SPAM1: variants seen among roughly 807,000 people sequenced by gnomAD.
SPAM1 encodes sperm adhesion molecule 1.
Under a neutral mutation model 29.6 loss-of-function variants are expected in SPAM1, and 22 were observed. The observed-to-expected ratio is 0.74, with a 90% CI of 0.53 to 1.06. The LOEUF (loss-of-function observed/expected upper bound fraction) is 1.06, where lower values mean the gene tolerates loss of function less well. Ranked by LOEUF, SPAM1 falls within the 50% of genes least tolerant of loss-of-function variation. SPAM1 has a pLI of 0.00. For missense variants in SPAM1, 534 were observed against 604.0 expected, an observed-to-expected ratio of 0.88 and a Z score of 1.21; for synonymous variants, 194 against 204.6, an observed-to-expected ratio of 0.95 and a Z score of 0.44.
intron 1 of SPAM1, among the ~76,000 whole-genome samples, chr7:123,948,746 C>A (rs1808669394): frequency 6.6e-6 from 1 of 151,940 alleles, no homozygotes; most frequent in African/African-American, 2.4e-5. Flanking sequence ...AAATCTATAA[C>A]AATTTTAATG....
chr7:123,964,631 C>G (rs1792399408), downstream of SPAM1, among the ~76,000 whole-genome samples: 1 of 151,828 alleles, frequency 6.6e-6, no homozygotes, highest in Admixed American at 6.6e-5. Flanking sequence ...TTCAACTGAT[C>G]CTCCCACCTC....
chr7:123,928,159 C>G (rs2117013703), intron 1 of SPAM1, among the ~76,000 whole-genome samples: 1 of 152,178 alleles, frequency 6.6e-6, no homozygotes, highest in African/African-American at 2.4e-5. Flanking sequence ...ATTGTAGGTT[C>G]AATTCCTTAT....
chr7:123,953,736 C>T lies in SPAM1; in HGVS notation c.166C>T (p.Pro56Ser). 3.7e-6 allele frequency: 6 copies of T among 1,613,086 alleles called. No homozygotes were observed. The highest frequency in any genetic ancestry group is 5.1e-6 in the Non-Finnish European group (6 of 1,179,626). Residue 56 changes from proline to serine, a missense_variant, in exon 3 of 5, where the codon CCA becomes TCA. Coordinates refer to ENST00000682466, the MANE Select transcript of SPAM1 (RefSeq NM_153189.3). Reference protein sequence around the residue: ...NVPFLWAWNAPSEFCLGKFDE... With the variant: ...NVPFLWAWNASSEFCLGKFDE... ...GCCTTTCCTCTGGGCCTGGAATGCC[C>T]CAAGTGAATTTTGTCTTGGAAAATT...
intron 1 of SPAM1, among the ~76,000 whole-genome samples, chr7:123,938,242 A>G (rs1808318350): frequency 6.6e-6 from 1 of 152,184 alleles, no homozygotes; most frequent in South Asian, 2.1e-4. Flanking sequence ...AACTGGGACT[A>G]CAGACACATA....
chr7:123,967,082 T>C (rs906024807), intron 5 of SPAM1, among the ~76,000 whole-genome samples: 2 of 151,990 alleles, frequency 1.3e-5, no homozygotes, highest in Admixed American at 1.3e-4. Flanking sequence ...TGCATCACTT[T>C]AGAATTTCCT....
chr7:123,970,236 T>C lies in SPAM1; in HGVS notation c.1524T>C (p.Ile508=), dbSNP rs1338233111. Residue 508 remains isoleucine (I), a synonymous_variant, in exon 6 of 7, where the codon ATT becomes ATC. Transcript: ENST00000340011. The stretch of plus-strand genomic sequence containing the variant: ...TCTGGGATCAAGGTATTAGCAGAAT[T>C]GGTTTCTTCTGAGAGTCATGAGGGA... The C allele has an allele frequency of 1.9e-6, 3 of 1,549,108 alleles. No homozygotes were observed. The Admixed American group carries it at 5.9e-5, about 30-fold the overall frequency.
intron 1 of SPAM1, among the ~76,000 whole-genome samples, chr7:123,944,521 A>G (rs1808516037): frequency 6.6e-6 from 1 of 152,218 alleles, no homozygotes; most frequent in South Asian, 2.1e-4. Context: ...AGGCAAAAGA[A>G]AAGAACTTCT....
rs764051673 is a variant in SPAM1, at chr7:123,953,546, G to A, written c.-25G>A. 10 of 1,460,674 alleles carry A rather than the reference G, an allele frequency of 6.8e-6. No individual in the cohort carries two copies. The highest frequency in any genetic ancestry group is 4.0e-4 in the Middle Eastern group (2 of 5,014). The allele number at this position is 1,460,674 out of a possible 1,614,324, so 90.5% of individuals were successfully genotyped here. A position where few individuals can be genotyped will look rare whatever the true frequency, so the allele number is the denominator to read the frequency against. On this transcript the variant is annotated 5_prime_UTR_variant, in exon 3 of 5. The change abolishes an upstream ATG in the 5' untranslated region. Coordinates refer to ENST00000682466, the MANE Select transcript of SPAM1 (RefSeq NM_153189.3). ...CCAAAGTGTGTAGGAAGAAATAAAT[G>A]TTTTCATAGTCATTACTCTTTACAA...
chr7:123,960,016 CT>C lies in SPAM1; in HGVS notation c.*52del, dbSNP rs764140190. On this transcript the variant is annotated 3_prime_UTR_variant, in exon 5 of 5. Transcript: ENST00000682466. ...AACAATATGTCCATCTTAAAGTGTG[CT>C]TTTTCGACTAATTAAATCTTTGAAA... 3.3e-5 allele frequency: 50 copies of C among 1,523,232 alleles called. No homozygotes were observed. In the African/African-American group the frequency reaches 6.7e-4, roughly 20 times the overall value. The allele number at this position is 1,523,232 out of a possible 1,614,324, so 94.4% of individuals were successfully genotyped here. A position where few individuals can be genotyped will look rare whatever the true frequency, so the allele number is the denominator to read the frequency against.
chr7:123,941,624 A>G (rs1808431027), intron 1 of SPAM1, among the ~76,000 whole-genome samples: 1 of 152,164 alleles, frequency 6.6e-6, no homozygotes, highest in African/African-American at 2.4e-5. Flanking sequence ...CCTTGTGGGC[A>G]AATTGTGCGG....
chr7:123,953,580 C>G lies in SPAM1; in HGVS notation c.10C>G (p.Leu4Val). The change falls in exon 3 of 5, where the codon CTA (leucine) becomes GTA (valine). Residue 4 changes from leucine to valine, a missense_variant. By Grantham distance (32) the Leu-to-Val change is conservative. Coordinates refer to ENST00000682466, the MANE Select transcript of SPAM1 (RefSeq NM_153189.3). ...GTCATTACTCTTTACAATGGGAGTGCTAAAATTCAAGCACATCTTTTTCAG... is the reference window on the plus strand; with the variant it reads ...GTCATTACTCTTTACAATGGGAGTGGTAAAATTCAAGCACATCTTTTTCAG... The part of the protein sequence containing the change: MGV[L>V]KFKHIFFRSF... 6.3e-7 allele frequency: 1 copy of G among 1,588,894 alleles called. No homozygotes were observed. Among genetic ancestry groups the G allele is most frequent in the South Asian group, 1.2e-5 (1 of 86,014 alleles).
chr7:123,931,245 TC>T (rs1345256568), intron 1 of SPAM1, among the ~76,000 whole-genome samples: 1 of 152,172 alleles, frequency 6.6e-6, no homozygotes, highest in Non-Finnish European at 1.5e-5. Flanking sequence ...AACTAGAATT[TC>T]TTTTCCCCTG....
At chr7:123,960,065 C>A, downstream of SPAM1, 1 of 1,489,122 alleles carries the variant, frequency 6.7e-7, no homozygotes, top group South Asian at 1.4e-5. Flanking sequence ...GTTGAAAGAT[C>A]ATTTTTGGAA....
intron 5 of SPAM1, among the ~76,000 whole-genome samples, chr7:123,965,365 A>G (rs971233986): frequency 2.6e-5 from 4 of 152,024 alleles, no homozygotes; most frequent in African/African-American, 9.7e-5. Flanking sequence ...TTTCGTCATG[A>G]TATCTTTGCC....
chr7:123,955,086 G>A lies in SPAM1; in HGVS notation c.1044G>A (p.Met348Ile). 1 of 1,592,358 alleles carries A rather than the reference G, an allele frequency of 6.3e-7. No homozygotes were observed. The highest frequency in any genetic ancestry group is 8.6e-7 in the Non-Finnish European group (1 of 1,161,174). ...IWGTLSIMRS[M>I]KSCLLLDNYM... ...GAACCCTCAGTATAATGCGAAGTAT[G>A]GTAAGTTGAATTGGTAGAAAATAGG... The change falls in exon 4 of 5, where the codon ATG (methionine) becomes ATA (isoleucine). Residue 348 changes from methionine (M) to isoleucine (I), a missense_variant and splice_region_variant. Physicochemically the swap from Met to Ile is conservative, Grantham distance 10. Transcript: ENST00000682466.
At chr7:123,963,965 A>G (rs1469662534), downstream of SPAM1, among the ~76,000 whole-genome samples, 2 of 151,906 alleles carry the variant, frequency 1.3e-5, no homozygotes, top group African/African-American at 4.8e-5. Context: ...GAATGTATCT[A>G]TTTTCCAAAA....
At chr7:123,952,560 T>G (rs916016130) in intron 2 of SPAM1, among the ~76,000 whole-genome samples, 2 of 152,114 alleles carry the variant, frequency 1.3e-5, no homozygotes, top group Admixed American at 6.6e-5. Flanking sequence ...TGTACCACTT[T>G]TGTGGTTTAA....
chr7:123,956,928 A>G (rs1464134254), intron 4 of SPAM1, among the ~76,000 whole-genome samples: 1 of 151,960 alleles, frequency 6.6e-6, no homozygotes, highest in East Asian at 1.9e-4. Context: ...ACCAGGTCTT[A>G]CCTATTAGAG....
chr7:123,933,113 T>G (rs1316081434), intron 1 of SPAM1, among the ~76,000 whole-genome samples: 1 of 152,086 alleles, frequency 6.6e-6, no homozygotes, highest in Non-Finnish European at 1.5e-5. Flanking sequence ...TGTAGGTTTG[T>G]TACATAGGTA....
Sources: allele counts gnomAD v4.1 joint callset (sites outside exome capture counted in the v4.1 genomes callset), GRCh38; gene constraint gnomAD v4.1.1; transcripts MANE v1.5; gene names NCBI Gene and HGNC (gene_info 2026-07-23, HGNC 2026-07-21).